AFF2: variants seen among roughly 807,000 people sequenced by gnomAD.
AFF2 encodes AF4/FMR2 family member 2.
A neutral mutation model predicts 76.9 loss-of-function variants in AFF2; 14 were observed. The observed-to-expected ratio is 0.18, with a 90% CI of 0.12 to 0.28. The LOEUF (loss-of-function observed/expected upper bound fraction) is 0.28. AFF2 is among the 10% of genes least tolerant of loss of function. The pLI is 1.00. For synonymous variants in AFF2, 398 were observed against 366.7 expected, an observed-to-expected ratio of 1.09 and a Z score of -0.98; for missense variants, 868 against 1,001.1, an observed-to-expected ratio of 0.87 and a Z score of 1.79.
intron 7 of AFF2, among the ~76,000 whole-genome samples, chrX:148,868,676 A>G (rs2080742500): frequency 8.9e-6 from 1 of 112,572 alleles, no homozygotes; most frequent in Admixed American, 9.4e-5. Context: ...TTTATAAAGA[A>G]GAGAAATTTT....
chrX:148,598,847 C>A (rs1557247687), intron 1 of AFF2, among the ~76,000 whole-genome samples: 2 of 112,359 alleles, frequency 1.8e-5, no homozygotes. Flanking sequence ...AACTAAACTT[C>A]CCATTTATCA....
chrX:148,842,274 C>T (rs1221622708), intron 5 of AFF2, among the ~76,000 whole-genome samples: 1 of 112,485 alleles, frequency 8.9e-6, no homozygotes, highest in African/African-American at 3.2e-5. Context: ...ACACTCCAAG[C>T]AAGGCAGCAT....
chrX:148,648,481 G>T (rs532502164), intron 1 of AFF2, among the ~76,000 whole-genome samples: 1 of 101,021 alleles, frequency 9.9e-6, no homozygotes, highest in South Asian at 4.8e-4. Flanking sequence ...AGAATCGCTT[G>T]AACCTGGGAG....
intron 7 of AFF2, among the ~76,000 whole-genome samples, chrX:148,882,251 A>G (rs782525963): frequency 2.7e-5 from 3 of 111,957 alleles, no homozygotes; most frequent in Non-Finnish European, 3.8e-5. Flanking sequence ...CTTGAAGCTC[A>G]GAAAATCAAG....
chrX:148,659,594 G>C (rs1223449748), intron 2 of AFF2, among the ~76,000 whole-genome samples: 1 of 112,589 alleles, frequency 8.9e-6, no homozygotes, highest in Non-Finnish European at 1.9e-5. Flanking sequence ...AGATATCACT[G>C]TTCATGAGGC....
intron 1 of AFF2, among the ~76,000 whole-genome samples, chrX:148,558,224 G>A (rs1557239938): frequency 8.9e-6 from 1 of 111,754 alleles, no homozygotes; most frequent in East Asian, 2.8e-4. Context: ...GGTTTTATTT[G>A]TCTTTTCCTT....
chrX:148,534,619 G>T (rs940680475), intron 1 of AFF2, among the ~76,000 whole-genome samples: 11 of 112,102 alleles, frequency 9.8e-5, no homozygotes, highest in Non-Finnish European at 2.1e-4. Context: ...TAAGGTTGTT[G>T]TAAAGGTTGA....
chrX:148,903,740 C>A (rs2071379207), intron 8 of AFF2, among the ~76,000 whole-genome samples: 1 of 111,821 alleles, frequency 8.9e-6, no homozygotes, highest in Admixed American at 9.5e-5. Flanking sequence ...GACTTTCTAT[C>A]ATGGTGGAAG....
At chrX:148,660,680 G>C (rs1166692693) in intron 2 of AFF2, among the ~76,000 whole-genome samples, 2 of 111,988 alleles carry the variant, frequency 1.8e-5, no homozygotes, top group African/African-American at 6.5e-5. Context: ...CACATAGGGT[G>C]GTATTTTTCC....
chrX:148,567,313 C>G (rs1557241799), intron 1 of AFF2, among the ~76,000 whole-genome samples: 1 of 111,327 alleles, frequency 9.0e-6, no homozygotes, highest in Non-Finnish European at 1.9e-5. Flanking sequence ...TACAAGAGGA[C>G]AGATACAATA....
chrX:148,842,808 A>G (rs1354913307), intron 5 of AFF2, among the ~76,000 whole-genome samples, 158 bp from the exon 6 acceptor site: 8 of 112,149 alleles, frequency 7.1e-5, no homozygotes, highest in Non-Finnish European at 1.5e-4. Context: ...TTATCCTTCA[A>G]ATAGAGCTAT....
intron 1 of AFF2, among the ~76,000 whole-genome samples, chrX:148,559,288 A>G: frequency 9.0e-6 from 1 of 111,473 alleles, no homozygotes; most frequent in Non-Finnish European, 1.9e-5. Flanking sequence ...TTTTTTTTTA[A>G]ACTTTAAGTT....
intron 3 of AFF2, among the ~76,000 whole-genome samples, chrX:148,713,461 G>A (rs1265589752): frequency 8.9e-6 from 1 of 111,873 alleles, no homozygotes; most frequent in African/African-American, 3.3e-5. Context: ...CTTCAGTGTT[G>A]GGGGAGGTTG....
chrX:148,538,342 C>T (rs2052810402), intron 1 of AFF2, among the ~76,000 whole-genome samples: 2 of 111,824 alleles, frequency 1.8e-5, no homozygotes, highest in Non-Finnish European at 3.8e-5. Flanking sequence ...TTCAGTGTGT[C>T]TGGCGTGGGA....
At chrX:148,633,445 A>T (rs1557253310) in intron 1 of AFF2, among the ~76,000 whole-genome samples, 1 of 112,309 alleles carries the variant, frequency 8.9e-6, no homozygotes, top group Non-Finnish European at 1.9e-5. Context: ...GTGCATATGC[A>T]TGTGCACACA....
At chrX:148,502,509 A>C (rs1324406574) in intron 1 of AFF2, among the ~76,000 whole-genome samples, 2 of 112,945 alleles carry the variant, frequency 1.8e-5, no homozygotes, top group Non-Finnish European at 3.7e-5. Context: ...ATGCTGTATC[A>C]GTATTAATCT....
intron 9 of AFF2, among the ~76,000 whole-genome samples, chrX:148,933,317 A>G (rs2071735041): frequency 8.9e-6 from 1 of 111,972 alleles, no homozygotes; most frequent in Non-Finnish European, 1.9e-5. Context: ...TGGGAATTAG[A>G]CTGTACAAGA....
chrX:148,908,051 G>T (rs782477753), intron 9 of AFF2, among the ~76,000 whole-genome samples: 5 of 111,671 alleles, frequency 4.5e-5, no homozygotes, highest in African/African-American at 1.6e-4. Flanking sequence ...GCTCTGTTCC[G>T]CCCGGCTCAC....
At chrX:148,765,925 A>G (rs782105826) in intron 3 of AFF2, among the ~76,000 whole-genome samples, 24 of 94,172 alleles carry the variant, frequency 2.5e-4, no homozygotes, top group African/African-American at 9.2e-4. Flanking sequence ...TCATTGTTCA[A>G]TTCCCACCTA....
Sources: gnomAD v4.1 joint callset for allele counts (sites outside exome capture counted in the v4.1 genomes callset) on GRCh38, gnomAD v4.1.1 for gene constraint, MANE v1.5 for transcripts, NCBI Gene and HGNC (gene_info 2026-07-23, HGNC 2026-07-21) for gene names.